The following TMEM260 variants were observed in gnomAD, a reference collection of about 807,000 sequenced individuals.
TMEM260 encodes transmembrane protein 260.
Under a neutral mutation model 88.9 loss-of-function variants are expected in TMEM260, and 82 were observed. That is an observed-to-expected ratio of 0.92 (90% CI 0.77 to 1.11). The LOEUF (loss-of-function observed/expected upper bound fraction) is 1.11, where lower values mean the gene tolerates loss of function less well. TMEM260 is among the 50% of genes least tolerant of loss of function. The pLI is 0.00. For synonymous variants in TMEM260, 314 were observed against 309.3 expected, an observed-to-expected ratio of 1.02 and a Z score of -0.16; for missense variants, 902 against 853.4, an observed-to-expected ratio of 1.06 and a Z score of -0.71.
intron 3 of TMEM260, among the ~76,000 whole-genome samples, chr14:56,598,615 T>A (rs1409989137): frequency 6.6e-6 from 1 of 152,236 alleles, no homozygotes; most frequent in Non-Finnish European, 1.5e-5. Flanking sequence ...TTGAGCAATA[T>A]AATGAGACTA....
chr14:56,603,696 A>G (rs1468169394), intron 3 of TMEM260, 119 bp from the exon 4 acceptor site: 2 of 987,440 alleles, frequency 2.0e-6, no homozygotes, highest in Non-Finnish European at 3.1e-6. Context: ...TTAACCATAT[A>G]ATGTGTTGGA....
chr14:56,594,766 AAAAG>A (rs1402299260), intron 3 of TMEM260, among the ~76,000 whole-genome samples: 1 of 152,228 alleles, frequency 6.6e-6, no homozygotes, highest in East Asian at 1.9e-4. Flanking sequence ...ATTTATTTTT[AAAAG>A]AAAGATTACT....
At position 56,585,839 on chromosome 14, in the gene TMEM260, G is replaced by A. The variant is rs1447940476; in HGVS notation, c.271G>A (p.Ala91Thr). ...TACACTGTTTCCTTTTGGTTCAATT[G>A]CCTACCGCGTCAATCTTCTCTGTGG... ...AITLFPFGSIAYRVNLLCGLF... is the reference protein window; with the variant it reads ...AITLFPFGSITYRVNLLCGLF... Residue 91 changes from alanine to threonine, a missense_variant, in exon 3 of 16, where the codon GCC (alanine) becomes ACC (threonine). Transcript: ENST00000261556. 1.9e-6 allele frequency: 3 copies of A among 1,613,262 alleles called. No individual in the cohort carries two copies. The highest frequency in any genetic ancestry group is 3.3e-5 in the Admixed American group (2 of 59,924).
intron 3 of TMEM260, among the ~76,000 whole-genome samples, chr14:56,594,427 C>CAA (rs1351875318): frequency 9.9e-5 from 15 of 152,168 alleles, no homozygotes; most frequent in African/African-American, 3.4e-4. Flanking sequence ...TCTACTTTAG[C>CAA]ATGTTATTAA....
intron 15 of TMEM260, among the ~76,000 whole-genome samples, chr14:56,642,832 C>G (rs1218292673): frequency 6.6e-6 from 1 of 152,110 alleles, no homozygotes; most frequent in Non-Finnish European, 1.5e-5. Context: ...GGGGATATCA[C>G]CATCAATCCC....
At chr14:56,652,206 G>T (rs1890218567), downstream of TMEM260, among the ~76,000 whole-genome samples, 1 of 152,138 alleles carries the variant, frequency 6.6e-6, no homozygotes, top group Non-Finnish European at 1.5e-5. Flanking sequence ...TAAGACACAG[G>T]AATTCAGGGC....
At chr14:56,606,563 C>T (rs1886913513) in intron 5 of TMEM260, among the ~76,000 whole-genome samples, 1 of 152,056 alleles carries the variant, frequency 6.6e-6, no homozygotes, top group African/African-American at 2.4e-5. Flanking sequence ...AAGGGTAACA[C>T]AGAGGTTATA....
chr14:56,621,970 T>G (rs1476410251), intron 11 of TMEM260, among the ~76,000 whole-genome samples: 1 of 152,192 alleles, frequency 6.6e-6, no homozygotes, highest in Non-Finnish European at 1.5e-5. Flanking sequence ...TCATGTTAGA[T>G]TCATAATGTT....
the TMEM260 span, among the ~76,000 whole-genome samples, chr14:56,660,407 CTATTA>C: frequency 3.3e-5 from 5 of 152,156 alleles, no homozygotes; most frequent in African/African-American, 9.7e-5. Context: ...GTGAATTATT[CTATTA>C]TTTCTTACTT....
At chr14:56,639,359 C>T (rs1889385523) in intron 15 of TMEM260, among the ~76,000 whole-genome samples, 1 of 151,942 alleles carries the variant, frequency 6.6e-6, no homozygotes, top group Non-Finnish European at 1.5e-5. Context: ...TGATGGATAC[C>T]CCATTTACTC....
intron 3 of TMEM260, 29 bp from the exon 4 acceptor site, chr14:56,603,786 A>G: frequency 6.2e-7 from 1 of 1,612,988 alleles, no homozygotes; most frequent in Non-Finnish European, 8.5e-7. Context: ...TTGTTGGAAA[A>G]GAAGATTTCA....
intron 15 of TMEM260, among the ~76,000 whole-genome samples, chr14:56,638,752 C>G (rs1889326332): frequency 6.6e-6 from 1 of 152,048 alleles, no homozygotes; most frequent in Non-Finnish European, 1.5e-5. Context: ...TTATCCTACT[C>G]AATAGCTCAT....
intron 1 of TMEM260, among the ~76,000 whole-genome samples, chr14:56,581,183 A>G (rs1566520322): frequency 6.6e-6 from 1 of 152,136 alleles, no homozygotes; most frequent in Non-Finnish European, 1.5e-5. Flanking sequence ...GTAACCTAAT[A>G]CTGTAAGTGA....
At chr14:56,585,990 A>G in intron 3 of TMEM260, 78 bp downstream of exon 3, 1 of 1,451,066 alleles carries the variant, frequency 6.9e-7, no homozygotes, top group Non-Finnish European at 9.3e-7. Context: ...ACATACATTA[A>G]AAAAATCTTT....
Position 56,617,110 on chromosome 14 carries a change from T to C in TMEM260, c.942-73T>C, listed in dbSNP as rs73277620. 4,793 of 903,306 alleles carry C rather than the reference T, an allele frequency of 5.3e-3. 175 individuals carry two copies. In the African/African-American group the frequency reaches 0.074, roughly 14 times the overall value. 56.0% of individuals were successfully genotyped at this position (903,306 alleles called of 1,614,324 possible). On this transcript the variant is annotated intron_variant, in intron 8 of 15. Coordinates refer to ENST00000261556, the MANE Select transcript of TMEM260 (RefSeq NM_017799.4). ...GAAAGTTTTTATAGATCTAATAGTT[T>C]AAAGTCCTGTGATATTATATTTGAC...
At chr14:56,659,131 A>C in the TMEM260 span, among the ~76,000 whole-genome samples, 2 of 152,212 alleles carry the variant, frequency 1.3e-5, no homozygotes, top group Non-Finnish European at 2.9e-5. Context: ...GGTTTTGATC[A>C]TTATGTAAGA....
chr14:56,636,158 G>C (rs138335609), intron 14 of TMEM260, among the ~76,000 whole-genome samples: 1 of 152,186 alleles, frequency 6.6e-6, no homozygotes. Flanking sequence ...CATGAGCTTC[G>C]TGTTGGGTAC....
downstream of TMEM260, among the ~76,000 whole-genome samples, chr14:56,654,430 A>G (rs2139671560): frequency 6.6e-6 from 1 of 152,266 alleles, no homozygotes; most frequent in South Asian, 2.1e-4. Flanking sequence ...AATATGTCCC[A>G]GCTCCACTGG....
intron 15 of TMEM260, among the ~76,000 whole-genome samples, chr14:56,641,616 A>G (rs2139649532): frequency 6.6e-6 from 1 of 152,364 alleles, no homozygotes; most frequent in Middle Eastern, 3.4e-3. Flanking sequence ...ACTAATGAGG[A>G]AAATAACCAG....
Sources: gnomAD v4.1 joint callset for allele counts (sites outside exome capture counted in the v4.1 genomes callset) on GRCh38, gnomAD v4.1.1 for gene constraint, MANE v1.5 for transcripts, NCBI Gene and HGNC (gene_info 2026-07-23, HGNC 2026-07-21) for gene names.